TIAM2: variants seen among roughly 807,000 people sequenced by gnomAD.
TIAM2 encodes TIAM Rac1 associated GEF 2.
TIAM2 carries 80 observed loss-of-function variants against 152.9 expected under a neutral mutation model. That is an observed-to-expected ratio of 0.52 (90% CI 0.44 to 0.63). The LOEUF (loss-of-function observed/expected upper bound fraction) is 0.63, where lower values mean the gene tolerates loss of function less well. TIAM2 is among the 30% of genes least tolerant of loss of function. TIAM2 has a pLI of 0.00. For missense variants in TIAM2, 1,965 were observed against 2,120.1 expected (o/e 0.93, Z 1.44); for synonymous variants, 804 against 838.0 (o/e 0.96, Z 0.70).
chr6:155,039,853 G>A (rs1442911720), intron 1 of TIAM2, among the ~76,000 whole-genome samples: 3 of 152,194 alleles, frequency 2.0e-5, no homozygotes, highest in African/African-American at 7.2e-5. Flanking sequence ...GAAGCAAAAA[G>A]AGTTGGAAAA....
At chr6:155,024,547 G>A (rs1259716290) in intron 1 of TIAM2, among the ~76,000 whole-genome samples, 1 of 151,250 alleles carries the variant, frequency 6.6e-6, no homozygotes. Flanking sequence ...TTCCTAAATC[G>A]CTGTGATATT....
chr6:155,204,656 A>G (rs1346976374), intron 14 of TIAM2, among the ~76,000 whole-genome samples: 1 of 152,206 alleles, frequency 6.6e-6, no homozygotes, highest in Non-Finnish European at 1.5e-5. Context: ...TTAAAAATCA[A>G]TGTACTATAA....
intron 1 of TIAM2, chr6:155,005,313 G>T: frequency 4.9e-6 from 1 of 205,018 alleles, no homozygotes; most frequent in South Asian, 9.9e-5. Context: ...GAGAGACCCT[G>T]AGAGAGTTTT....
chr6:155,254,693 C>T, intron 26 of TIAM2, 120 bp downstream of exon 26: 1 of 1,319,478 alleles, frequency 7.6e-7, no homozygotes, highest in Non-Finnish European at 1.0e-6. Context: ...GTACCTTTAT[C>T]TCCTTTTAAG....
chr6:155,094,752 T>C (rs1211214267), intron 2 of TIAM2, among the ~76,000 whole-genome samples: 1 of 151,356 alleles, frequency 6.6e-6, no homozygotes, highest in Non-Finnish European at 1.5e-5. Context: ...TTTTGTTTTT[T>C]TGTTTTTTTT....
chr6:155,069,560 C>T (rs1777787610), intron 1 of TIAM2, among the ~76,000 whole-genome samples: 1 of 152,108 alleles, frequency 6.6e-6, no homozygotes, highest in Middle Eastern at 3.2e-3. Flanking sequence ...TCATCTGTAT[C>T]TGTTTGAAGG....
Position 155,214,040 on chromosome 6 carries a change from G to A in TIAM2, c.3168+2733G>A, listed in dbSNP as rs943447977. On this transcript the variant is annotated intron_variant, in intron 15 of 26. Transcript: ENST00000682666. This position sits in a 1 kb window ranked among gnomAD's most constrained non-coding sequence, Gnocchi z 5.4. ...GCTACGTGGCTGCAGCAGTACCCGGGAGGGCGGGGCTCCTTCCTGCTCCTG... is the reference window on the plus strand; with the variant it reads ...GCTACGTGGCTGCAGCAGTACCCGGAAGGGCGGGGCTCCTTCCTGCTCCTG... Among the ~76,000 whole-genome samples, 2 of 152,238 alleles carry A rather than the reference G, an allele frequency of 1.3e-5. No homozygotes were observed. The highest frequency in any genetic ancestry group is 4.8e-5 in the African/African-American group (2 of 41,472).
At chr6:155,112,283 G>C (rs958546438) in intron 2 of TIAM2, among the ~76,000 whole-genome samples, 12 of 151,886 alleles carry the variant, frequency 7.9e-5, no homozygotes, top group African/African-American at 2.9e-4. Context: ...GCGCCACCAA[G>C]CCCGGCTAAT....
chr6:155,224,473 G>A (rs369681892), intron 15 of TIAM2, among the ~76,000 whole-genome samples: 15 of 152,168 alleles, frequency 9.9e-5, no homozygotes, highest in East Asian at 9.6e-4. Context: ...AACTGCTGAA[G>A]GTTAAGATGG....
intron 15 of TIAM2, chr6:155,216,641 T>C (rs545852120): frequency 6.4e-6 from 1 of 157,368 alleles, no homozygotes; most frequent in Admixed American, 6.3e-5. Flanking sequence ...AAATATACAA[T>C]GTCCCTTTGG....
chr6:155,094,981 C>T (rs1000273243), intron 2 of TIAM2, among the ~76,000 whole-genome samples: 7 of 152,122 alleles, frequency 4.6e-5, no homozygotes, highest in African/African-American at 1.4e-4. Flanking sequence ...TCATTTCCTC[C>T]CTCTTTTTCA....
Position 155,137,160 on chromosome 6 carries a change from A to G in TIAM2, c.1195-17A>G. 2 of 1,607,864 alleles carry G rather than the reference A, an allele frequency of 1.2e-6. No individual in the cohort carries two copies. The highest frequency in any genetic ancestry group is 2.2e-5 in the South Asian group (2 of 90,346). On this transcript the variant is annotated splice_polypyrimidine_tract_variant and intron_variant, in intron 4 of 26. Transcript: ENST00000682666. ...TAGCCGTAAGCTCTGATGGGTGATC[A>G]TGTGTGTTTCTCACAGGAGCCGAGG...
chr6:155,109,250 C>T (rs982065404), intron 2 of TIAM2, among the ~76,000 whole-genome samples: 14 of 152,280 alleles, frequency 9.2e-5, no homozygotes, highest in African/African-American at 3.4e-4. Flanking sequence ...TCCCAAAGTG[C>T]TGGGATTACA....
intron 2 of TIAM2, among the ~76,000 whole-genome samples, chr6:155,113,965 C>T (rs568575950): frequency 1.5e-5 from 2 of 136,532 alleles, no homozygotes; most frequent in South Asian, 2.4e-4. Context: ...TGCTAAATAT[C>T]GTTGAACTCC....
intron 1 of TIAM2, among the ~76,000 whole-genome samples, chr6:155,002,054 AAAG>A (rs916408093): frequency 3.6e-4 from 55 of 152,340 alleles, no homozygotes; most frequent in African/African-American, 1.3e-3. Context: ...TTCATCTCTA[AAAG>A]AAGGATGACA....
chr6:155,072,328 C>T (rs1436551319), intron 1 of TIAM2, among the ~76,000 whole-genome samples: 1 of 152,120 alleles, frequency 6.6e-6, no homozygotes, highest in Non-Finnish European at 1.5e-5. Context: ...ACCGAGGCAT[C>T]GGGCTAGGAT....
chr6:155,250,291 CT>C (rs11320509), intron 21 of TIAM2, among the ~76,000 whole-genome samples: 50,233 of 133,416 alleles, frequency 0.38, 9,646 homozygotes, highest in Middle Eastern at 0.51. Context: ...TTGATTTTGC[CT>C]TTTTTTTTTT....
At chr6:155,250,817 C>T in intron 21 of TIAM2, 96 bp from the exon 22 acceptor site, 1 of 1,325,258 alleles carries the variant, frequency 7.5e-7, no homozygotes, top group Non-Finnish European at 1.1e-6. Flanking sequence ...GCTGTGCTTG[C>T]ATTTTAGCAA....
chr6:155,230,317 A>G (rs962086960), intron 15 of TIAM2, among the ~76,000 whole-genome samples: 1 of 152,202 alleles, frequency 6.6e-6, no homozygotes, highest in African/African-American at 2.4e-5. Context: ...CTTGGGCCAC[A>G]GTTACACTGG....
Sources: gnomAD v4.1 joint callset for allele counts (sites outside exome capture counted in the v4.1 genomes callset) on GRCh38, gnomAD v4.1.1 for gene constraint, Gnocchi (gnomAD v3.1) non-coding constraint, MANE v1.5 for transcripts, NCBI Gene and HGNC (gene_info 2026-07-23, HGNC 2026-07-21) for gene names.